Variants in LMNTD1 observed in about 807,000 individuals in gnomAD.
LMNTD1 encodes the protein lamin tail domain containing 1.
In LMNTD1, 35 loss-of-function variants were observed where a neutral mutation model predicts 50.9. The ratio of observed to expected loss-of-function variants is 0.69; its 90% confidence interval spans 0.53 to 0.91. The LOEUF (loss-of-function observed/expected upper bound fraction) is 0.91. Among genes scored for constraint, LMNTD1 ranks in the 40% least tolerant of loss-of-function variants. The pLI, the probability that LMNTD1 is intolerant of heterozygous loss-of-function variation, is 0.00. For missense variants in LMNTD1, 470 were observed against 475.5 expected (o/e 0.99, Z 0.11); for synonymous variants, 153 against 161.9 (o/e 0.94, Z 0.42).
chr12:25,607,546 T>G (rs145072049), intron 1 of LMNTD1, among the ~76,000 whole-genome samples: 1 of 152,216 alleles, frequency 6.6e-6, no homozygotes, highest in Non-Finnish European at 1.5e-5. Context: ...CTTGTTCTCA[T>G]TGGTTTCAAA....
chr12:25,608,643 G>A (rs1450039910), intron 1 of LMNTD1, among the ~76,000 whole-genome samples: 1 of 152,214 alleles, frequency 6.6e-6, no homozygotes, highest in Non-Finnish European at 1.5e-5. Flanking sequence ...TTTTCTTTAA[G>A]AATGTTGAAT....
At position 25,488,875 on chromosome 12, in the gene LMNTD1, G is replaced by A. The variant is rs1188212573; in HGVS notation, c.*23-12415C>T. On this transcript the variant is annotated intron_variant, in intron 9 of 9. Coordinates refer to ENST00000458174, the MANE Select transcript of LMNTD1 (RefSeq NM_001145728.2). Reference sequence around the variant, plus strand: ...AGGATCCTCAGCTGCAGGTCTGTTGGAATACCCTGCCTTGTGAGGTGTCAG... The same window carrying A: ...AGGATCCTCAGCTGCAGGTCTGTTGAAATACCCTGCCTTGTGAGGTGTCAG... Among the ~76,000 whole-genome samples, 3 of 152,174 alleles carry A rather than the reference G, an allele frequency of 2.0e-5. No homozygotes were observed. In the South Asian group the frequency reaches 6.2e-4, roughly 31 times the overall value.
chr12:25,513,003 T>C (rs1940424716), intron 8 of LMNTD1, among the ~76,000 whole-genome samples: 1 of 152,204 alleles, frequency 6.6e-6, no homozygotes, highest in South Asian at 2.1e-4. Context: ...TTTAATCCTT[T>C]AATAATCCAT....
At chr12:25,483,772 CAA>C (rs10582917) in intron 9 of LMNTD1, among the ~76,000 whole-genome samples, 80,402 of 146,630 alleles carry the variant, frequency 0.55, 21,928 homozygotes, top group African/African-American at 0.59. Flanking sequence ...CATTCCATCT[CAA>C]AAAAAAAAAA....
At chr12:25,513,626 A>C (rs1940494529) in intron 8 of LMNTD1, among the ~76,000 whole-genome samples, 1 of 152,196 alleles carries the variant, frequency 6.6e-6, no homozygotes, top group African/African-American at 2.4e-5. Flanking sequence ...AGAGAGTCAG[A>C]CTCTGCTTCA....
intron 4 of LMNTD1, among the ~76,000 whole-genome samples, chr12:25,531,545 C>CT (rs936489144): frequency 6.6e-6 from 1 of 151,960 alleles, no homozygotes; most frequent in East Asian, 1.9e-4. Context: ...GACTTTAAGA[C>CT]TTTTTTTGTG....
At chr12:25,518,465 G>A (rs985427656) in intron 8 of LMNTD1, among the ~76,000 whole-genome samples, 6 of 147,792 alleles carry the variant, frequency 4.1e-5, no homozygotes, top group Non-Finnish European at 7.5e-5. Flanking sequence ...TGTAAGAACA[G>A]TTTTTGCTGC....
At chr12:25,518,715 T>C (rs1366164032) in intron 8 of LMNTD1, 80 bp downstream of exon 8, 27 of 1,259,280 alleles carry the variant, frequency 2.1e-5, no homozygotes, top group Non-Finnish European at 2.9e-5. Context: ...TAGCACATTT[T>C]AACCACTTAA....
intron 8 of LMNTD1, among the ~76,000 whole-genome samples, chr12:25,515,629 A>G (rs994861531): frequency 1.3e-5 from 2 of 152,132 alleles, no homozygotes; most frequent in Non-Finnish European, 2.9e-5. Flanking sequence ...CTGCATGATT[A>G]ATATATGGGT....
At chr12:25,535,762 C>T (rs1942536201) in intron 4 of LMNTD1, among the ~76,000 whole-genome samples, 1 of 151,672 alleles carries the variant, frequency 6.6e-6, no homozygotes, top group Non-Finnish European at 1.5e-5. Flanking sequence ...GTTTAAATGC[C>T]CCAATGAAAA....
At position 25,634,529 on chromosome 12, in the gene LMNTD1, C is replaced by T. The variant is rs142291300; in HGVS notation, c.58+13965G>A. On this transcript the variant is annotated intron_variant, in intron 1 of 7. Coordinates refer to the LMNTD1 transcript ENST00000445693. ...AGGGATGCAGGGATGGTTTAACAGA[C>T]GCAAGTCAGTAAATGTGATACACCC... 5.3e-3 allele frequency among the ~76,000 whole-genome samples: 806 copies of T among 152,220 alleles called. 7 individuals carry two copies. Among genetic ancestry groups the T allele is most frequent in the African/African-American group, 0.018 (763 of 41,536 alleles).
chr12:25,480,714 C>G (rs1217605029), intron 9 of LMNTD1, among the ~76,000 whole-genome samples: 1 of 152,192 alleles, frequency 6.6e-6, no homozygotes, highest in Non-Finnish European at 1.5e-5. Context: ...CTGCTTCTAA[C>G]AAGGCACTAC....
Position 25,553,216 on chromosome 12 carries a change from A to G in LMNTD1, c.-178T>C, listed in dbSNP as rs1943876961. 3 of 1,532,432 alleles carry G rather than the reference A, an allele frequency of 2.0e-6. No individual in the cohort carries two copies. Among genetic ancestry groups the G allele is most frequent in the Non-Finnish European group, 2.6e-6 (3 of 1,143,770 alleles). The allele number at this position is 1,532,432 out of a possible 1,614,324, so 94.9% of individuals were successfully genotyped here. ...AAGGATGTCGGACAAACCATGGTGC[A>G]GGTGTGTAGCATTCACTGGAAGCAG... On this transcript the variant is annotated 5_prime_UTR_variant, in exon 1 of 10. Coordinates refer to ENST00000458174, the MANE Select transcript of LMNTD1 (RefSeq NM_001145728.2).
At position 25,490,586 on chromosome 12, in the gene LMNTD1, A is replaced by G. The variant is rs116892083; in HGVS notation, c.*22+13152T>C. On this transcript the variant is annotated intron_variant, in intron 9 of 9. Coordinates refer to ENST00000458174, the MANE Select transcript of LMNTD1 (RefSeq NM_001145728.2). The stretch of plus-strand genomic sequence containing the variant: ...ACTATAAACATGAAAATCAGTTTTT[A>G]AGTTTTTGCAAATAGTTTAAATTCA... Among the ~76,000 whole-genome samples the G allele has an allele frequency of 8.4e-3, 1,278 of 152,312 alleles. 9 individuals are homozygous for G. The highest frequency in any genetic ancestry group is 0.027 in the Middle Eastern group (8 of 294).
intron 1 of LMNTD1, among the ~76,000 whole-genome samples, chr12:25,631,145 T>C (rs11048134): frequency 0.62 from 93,978 of 151,772 alleles, 29,513 homozygotes; most frequent in Non-Finnish European, 0.68. Flanking sequence ...GCAAGACCCA[T>C]CCAAGGAGAC....
chr12:25,610,029 A>T (rs1176183485), intron 1 of LMNTD1, among the ~76,000 whole-genome samples: 1 of 152,034 alleles, frequency 6.6e-6, no homozygotes, highest in African/African-American at 2.4e-5. Context: ...TACTTTGTTT[A>T]CCTACTCAAG....
upstream of LMNTD1, among the ~76,000 whole-genome samples, chr12:25,555,946 G>A (rs1456005571): frequency 6.6e-6 from 1 of 150,422 alleles, no homozygotes; most frequent in Non-Finnish European, 1.5e-5. Context: ...AGAAGCAGAG[G>A]TGCATGAGGT....
intron 1 of LMNTD1, among the ~76,000 whole-genome samples, chr12:25,593,952 C>G (rs1945777002): frequency 6.6e-6 from 1 of 152,056 alleles, no homozygotes; most frequent in Non-Finnish European, 1.5e-5. Flanking sequence ...TATCATTGAA[C>G]AAGCCAAAGA....
intron 9 of LMNTD1, among the ~76,000 whole-genome samples, chr12:25,497,089 A>T (rs924800821): frequency 1.3e-5 from 2 of 152,126 alleles, no homozygotes; most frequent in African/African-American, 2.4e-5. Context: ...ACCAGATTTT[A>T]AAAAACCCAT....
Sources: gnomAD v4.1 joint callset for allele counts (sites outside exome capture counted in the v4.1 genomes callset) on GRCh38, gnomAD v4.1.1 for gene constraint, MANE v1.5 for transcripts, NCBI Gene and HGNC (gene_info 2026-07-23, HGNC 2026-07-21) for gene names.